The following CAMK2D variants were observed in gnomAD, a reference collection of about 807,000 sequenced individuals.
The protein encoded by CAMK2D is calcium/calmodulin-dependent protein kinase type II subunit delta.
A neutral mutation model predicts 84.0 loss-of-function variants in CAMK2D; 37 were observed. The observed-to-expected ratio is 0.44, with a 90% CI of 0.34 to 0.58. The LOEUF is 0.58. CAMK2D is among the 20% of genes least tolerant of loss of function. CAMK2D has a pLI of 0.02. For missense variants in CAMK2D, 448 were observed against 652.5 expected (o/e 0.69, Z 3.41); for synonymous variants, 202 against 212.5 (o/e 0.95, Z 0.43).
chr4:113,507,246 A>G (rs2098140013), intron 13 of CAMK2D, among the ~76,000 whole-genome samples: 1 of 151,652 alleles, frequency 6.6e-6, no homozygotes, highest in African/African-American at 2.4e-5. Flanking sequence ...TTCAACCACA[A>G]ATGTCTTTTT....
At chr4:113,512,077 T>G (rs1319558090) in intron 12 of CAMK2D, among the ~76,000 whole-genome samples, 1 of 152,224 alleles carries the variant, frequency 6.6e-6, no homozygotes, top group Non-Finnish European at 1.5e-5. Flanking sequence ...TGCAGATCAC[T>G]GTTATGTAAA....
At chr4:113,504,831 C>CA (rs35574643) in intron 14 of CAMK2D, 145 bp downstream of exon 14, 21,898 of 239,230 alleles carry the variant, frequency 0.092, 231 homozygotes, top group African/African-American at 0.15. Context: ...TCATAGAAAG[C>CA]AAAAAAAAAA....
At chr4:113,673,266 T>C (rs1051424820) in intron 2 of CAMK2D, among the ~76,000 whole-genome samples, 1 of 152,240 alleles carries the variant, frequency 6.6e-6, no homozygotes, top group African/African-American at 2.4e-5. Flanking sequence ...ATTTTAAATC[T>C]GACTTTAAAG....
At chr4:113,560,499 T>C (rs1301988003) in intron 4 of CAMK2D, among the ~76,000 whole-genome samples, 1 of 152,198 alleles carries the variant, frequency 6.6e-6, no homozygotes, top group East Asian at 1.9e-4. Context: ...TTTAAAGCCA[T>C]AATCCTTAAG....
chr4:113,492,890 T>A (rs2097863546), intron 16 of CAMK2D, among the ~76,000 whole-genome samples: 1 of 122,320 alleles, frequency 8.2e-6, no homozygotes, highest in Non-Finnish European at 1.7e-5. Context: ...CCTTTACCAT[T>A]ATGTAATGGC....
intron 2 of CAMK2D, among the ~76,000 whole-genome samples, chr4:113,729,890 C>T (rs1338844454): frequency 1.3e-5 from 2 of 152,170 alleles, no homozygotes; most frequent in Admixed American, 1.3e-4. Flanking sequence ...TGATCAGACA[C>T]CAAATCAACT....
chr4:113,492,902 T>A (rs1259838001), intron 16 of CAMK2D, among the ~76,000 whole-genome samples: 1 of 114,418 alleles, frequency 8.7e-6, no homozygotes, highest in Non-Finnish European at 1.8e-5. Flanking sequence ...TGTAATGGCC[T>A]TCTTTGTCTC....
intron 16 of CAMK2D, among the ~76,000 whole-genome samples, chr4:113,465,857 G>C (rs2097454198): frequency 6.6e-6 from 1 of 152,046 alleles, no homozygotes; most frequent in African/African-American, 2.4e-5. Context: ...ACTCTCAGGT[G>C]ACCTCTGAGT....
intron 8 of CAMK2D, among the ~76,000 whole-genome samples, chr4:113,521,168 T>C (rs2098353409): frequency 6.6e-6 from 1 of 152,154 alleles, no homozygotes; most frequent in South Asian, 2.1e-4. Flanking sequence ...TCCTCTTTAC[T>C]AGCCAGTTTT....
At chr4:113,725,618 G>A (rs1421999093) in intron 2 of CAMK2D, among the ~76,000 whole-genome samples, 3 of 151,914 alleles carry the variant, frequency 2.0e-5, no homozygotes, top group Non-Finnish European at 4.4e-5. Context: ...ACTTATAAAT[G>A]TATTATCAAC....
chr4:113,581,529 A>AAAAAAAAAAAAAAAAAAG (rs373642282), intron 4 of CAMK2D, among the ~76,000 whole-genome samples: 3 of 121,876 alleles, frequency 2.5e-5, no homozygotes, highest in African/African-American at 9.7e-5. Context: ...AAAAAAAAAA[A>AAAAAAAAAAAAAAAAAAG]AAAAGAAAAG....
At chr4:113,506,889 G>GT (rs1430458244) in intron 13 of CAMK2D, among the ~76,000 whole-genome samples, 2 of 148,108 alleles carry the variant, frequency 1.4e-5, no homozygotes, top group African/African-American at 2.6e-5. Flanking sequence ...AAGTGCACAT[G>GT]TTCCCCCCCC....
intron 3 of CAMK2D, among the ~76,000 whole-genome samples, chr4:113,638,919 C>T (rs1037521507): frequency 2.0e-5 from 3 of 152,004 alleles, no homozygotes; most frequent in Non-Finnish European, 4.4e-5. Context: ...AATAACCTAG[C>T]TTTATTGTTA....
chr4:113,629,712 T>C (rs1195948594), intron 3 of CAMK2D, among the ~76,000 whole-genome samples: 1 of 151,526 alleles, frequency 6.6e-6, no homozygotes, highest in Non-Finnish European at 1.5e-5. Context: ...TGAAAAAAAA[T>C]TTCATCTCAA....
intron 4 of CAMK2D, among the ~76,000 whole-genome samples, chr4:113,577,920 T>C (rs1201833983): frequency 1.3e-5 from 2 of 152,104 alleles, no homozygotes; most frequent in Non-Finnish European, 2.9e-5. Flanking sequence ...ATAAATAACA[T>C]CATATGCTTT....
At chr4:113,652,508 C>T (rs1344932210) in intron 3 of CAMK2D, among the ~76,000 whole-genome samples, 11 of 152,208 alleles carry the variant, frequency 7.2e-5, no homozygotes, top group Non-Finnish European at 2.9e-5. Context: ...AAAGTGTTAT[C>T]ACTTCCCCAA....
intron 2 of CAMK2D, among the ~76,000 whole-genome samples, chr4:113,668,480 G>A (rs1164646932): frequency 1.3e-5 from 2 of 152,130 alleles, no homozygotes; most frequent in African/African-American, 4.8e-5. Context: ...AAAAATTATA[G>A]TGTCAACACT....
chr4:113,464,995 T>A (rs2097439235), intron 17 of CAMK2D, among the ~76,000 whole-genome samples: 1 of 152,168 alleles, frequency 6.6e-6, no homozygotes, highest in Admixed American at 6.6e-5. Context: ...AAATCTCCAA[T>A]CGTTGGATCA....
At position 113,457,317 on chromosome 4, in the gene CAMK2D, C is replaced by T; in HGVS notation, c.1535+18G>A. The stretch of plus-strand genomic sequence containing the variant: ...ATGGGTGTATTAACAAAGAAGCTGA[C>T]AGCCTGGAAATATTTACTTGATGGG... On this transcript the variant is annotated intron_variant, in intron 19 of 20. Transcript: ENST00000511664. The T allele has an allele frequency of 6.2e-7, 1 of 1,612,958 alleles. No individual in the cohort carries two copies.
Sources: gnomAD v4.1 joint callset for allele counts (sites outside exome capture counted in the v4.1 genomes callset) on GRCh38, gnomAD v4.1.1 for gene constraint, MANE v1.5 for transcripts, NCBI Gene and HGNC (gene_info 2026-07-23, HGNC 2026-07-21) for gene names.